GJB7: variants seen among roughly 807,000 people sequenced by gnomAD.
The protein encoded by GJB7 is gap junction protein beta 7.
For missense variants in GJB7, 253 were observed against 256.8 expected, an observed-to-expected ratio of 0.99 and a Z score of 0.10; for synonymous variants, 87 against 95.2, an observed-to-expected ratio of 0.91 and a Z score of 0.50.
At position 87,284,713 on chromosome 6, in the gene GJB7, T is replaced by G. The variant is rs141505349; in HGVS notation, c.200A>C (p.Asp67Ala). The G allele has an allele frequency of 1.2e-5, 19 of 1,614,042 alleles. No individual in the cohort carries two copies. The highest frequency in any genetic ancestry group is 1.6e-5 in the Non-Finnish European group (19 of 1,179,994). The change falls in exon 3 of 3, where the codon GAC becomes GCC. Residue 67 changes from aspartate to alanine, a missense_variant. Asp to Ala is a moderately radical substitution (Grantham distance 126). Coordinates refer to ENST00000525899, the MANE Select transcript of GJB7 (RefSeq NM_198568.3). ...QPGCKNVCFD[D>A]FFPISQVRLW... is the part of the protein sequence containing the mutation. ...TCTGACTTGGGAAATGGGGAAGAAG[T>G]CATCAAAACACACATTTTTGCAACC...
At chr6:87,297,989 A>T (rs1302346628) in intron 2 of GJB7, among the ~76,000 whole-genome samples, 1 of 152,098 alleles carries the variant, frequency 6.6e-6, no homozygotes, top group Non-Finnish European at 1.5e-5. Flanking sequence ...CAACTCTGTC[A>T]CCAGAATTAA....
chr6:87,327,006 CT>C (rs1776838865), intron 1 of GJB7, among the ~76,000 whole-genome samples: 1 of 133,956 alleles, frequency 7.5e-6, no homozygotes, highest in Non-Finnish European at 1.6e-5. Context: ...GAATTGATCC[CT>C]TTACCATTAT....
intron 2 of GJB7, among the ~76,000 whole-genome samples, chr6:87,307,219 T>TAA (rs202119775): frequency 6.8e-6 from 1 of 147,754 alleles, no homozygotes; most frequent in African/African-American, 2.5e-5. Flanking sequence ...AAAAAACTAT[T>TAA]AAAAAAAAGA....
At chr6:87,303,353 C>CA (rs1434606117) in intron 2 of GJB7, among the ~76,000 whole-genome samples, 9 of 150,364 alleles carry the variant, frequency 6.0e-5, no homozygotes, top group Non-Finnish European at 8.9e-5. Flanking sequence ...AAATGGAAAG[C>CA]AAAAAAAAGA....
chr6:87,284,229 A>G lies in GJB7; in HGVS notation c.*12T>C. 6.2e-7 allele frequency: 1 copy of G among 1,604,670 alleles called. No homozygotes were observed. The highest frequency in any genetic ancestry group is 8.5e-7 in the Non-Finnish European group (1 of 1,174,086). On this transcript the variant is annotated 3_prime_UTR_variant, in exon 3 of 3. Coordinates refer to ENST00000525899, the MANE Select transcript of GJB7 (RefSeq NM_198568.3). ...TCTCCTACCACATTCAACATATCTG[A>G]GGCTGTGGCACTCACACACTGAGGA...
chr6:87,327,373 ATTT>A (rs1373161854), intron 1 of GJB7, among the ~76,000 whole-genome samples: 11 of 151,632 alleles, frequency 7.3e-5, no homozygotes, highest in Non-Finnish European at 1.3e-4. Context: ...TGGTCTTTAC[ATTT>A]TGGCAATGGA....
intron 1 of GJB7, among the ~76,000 whole-genome samples, 183 bp from the exon 2 acceptor site, chr6:87,323,226 C>CAGT (rs1776715210): frequency 6.6e-6 from 1 of 152,112 alleles, no homozygotes; most frequent in South Asian, 2.1e-4. Context: ...TTTTCAGAGA[C>CAGT]AGTACTACAT....
chr6:87,308,239 G>A (rs1378598246), intron 2 of GJB7, among the ~76,000 whole-genome samples: 3 of 150,386 alleles, frequency 2.0e-5, no homozygotes, highest in Non-Finnish European at 3.0e-5. Flanking sequence ...GGTCGGGGGA[G>A]GGGGGAGGGA....
intron 1 of GJB7, among the ~76,000 whole-genome samples, chr6:87,325,175 A>C (rs188303654): frequency 6.6e-6 from 1 of 152,146 alleles, no homozygotes; most frequent in Non-Finnish European, 1.5e-5. Context: ...GGCTGAGACA[A>C]TGGGGTTTTC....
intron 2 of GJB7, among the ~76,000 whole-genome samples, chr6:87,288,950 T>G (rs1027582205): frequency 6.6e-6 from 1 of 152,198 alleles, no homozygotes; most frequent in Non-Finnish European, 1.5e-5. Context: ...ACTTTTAAAA[T>G]GGAGACTGTA....
intron 2 of GJB7, among the ~76,000 whole-genome samples, chr6:87,290,640 AG>A (rs1776154276): frequency 1.3e-5 from 2 of 152,234 alleles, no homozygotes. Flanking sequence ...GGACTGCCAG[AG>A]GATTTCAGCA....
intron 2 of GJB7, among the ~76,000 whole-genome samples, chr6:87,306,552 T>C (rs1215022547): frequency 6.6e-6 from 1 of 151,916 alleles, no homozygotes; most frequent in African/African-American, 2.4e-5. Context: ...TGTGGAGAAA[T>C]AGGAACACTT....
intron 2 of GJB7, among the ~76,000 whole-genome samples, chr6:87,286,167 C>T (rs1006248859): frequency 2.0e-5 from 3 of 152,162 alleles, no homozygotes; most frequent in African/African-American, 7.2e-5. Flanking sequence ...CTTTCACCTT[C>T]CTGACTCTCC....
At chr6:87,307,793 T>C (rs1055544555) in intron 2 of GJB7, among the ~76,000 whole-genome samples, 1 of 152,160 alleles carries the variant, frequency 6.6e-6, no homozygotes, top group Non-Finnish European at 1.5e-5. Flanking sequence ...GTAAACTGGT[T>C]CAACCACTGT....
At chr6:87,310,035 A>T (rs1325213471) in intron 2 of GJB7, among the ~76,000 whole-genome samples, 1 of 152,200 alleles carries the variant, frequency 6.6e-6, no homozygotes, top group Non-Finnish European at 1.5e-5. Context: ...TTTTATGGTG[A>T]TGCTGCAGTG....
intron 1 of GJB7, among the ~76,000 whole-genome samples, chr6:87,327,936 T>C (rs1776872487): frequency 1.3e-5 from 2 of 150,272 alleles, no homozygotes. Context: ...CCATATTTCT[T>C]GGAGGCTTTG....
chr6:87,308,349 C>T (rs1582564156), intron 2 of GJB7, among the ~76,000 whole-genome samples: 1 of 152,062 alleles, frequency 6.6e-6, no homozygotes, highest in Non-Finnish European at 1.5e-5. Flanking sequence ...ATATTCTGCA[C>T]GTGTACCCTA....
At position 87,284,909 on chromosome 6, in the gene GJB7, T is replaced by A; in HGVS notation, c.4A>T (p.Ser2Cys). 6.2e-7 allele frequency: 1 copy of A among 1,608,580 alleles called. No homozygotes were observed. Among genetic ancestry groups the A allele is most frequent in the Non-Finnish European group, 8.5e-7 (1 of 1,175,712 alleles). M[S>C]WMFLRDLLSG... ...AGGAGATCTCTGAGGAACATCCAAC[T>A]CATGACTTAGGCTCAAAAGAAGGCA... The change falls in exon 3 of 3, where the codon AGT becomes TGT. Residue 2 changes from serine (S) to cysteine (C), a missense_variant. Coordinates refer to ENST00000525899, the MANE Select transcript of GJB7 (RefSeq NM_198568.3).
At chr6:87,317,784 T>C (rs960132163) in intron 2 of GJB7, among the ~76,000 whole-genome samples, 3 of 152,308 alleles carry the variant, frequency 2.0e-5, no homozygotes, top group Admixed American at 6.5e-5. Flanking sequence ...TTAATCATCT[T>C]TGAATTCCTG....
Sources: allele counts gnomAD v4.1 joint callset (sites outside exome capture counted in the v4.1 genomes callset), GRCh38; gene constraint gnomAD v4.1.1; transcripts MANE v1.5; gene names NCBI Gene and HGNC (gene_info 2026-07-23, HGNC 2026-07-21).